Variants in COL22A1 observed in about 807,000 individuals in gnomAD.
The protein encoded by COL22A1 is collagen alpha-1(XXII) chain.
A neutral mutation model predicts 248.9 loss-of-function variants in COL22A1; 221 were observed. The observed-to-expected ratio is 0.89, with a 90% CI of 0.80 to 0.99. The LOEUF is 0.99. Ranked by LOEUF, COL22A1 falls within the 50% of genes least tolerant of loss-of-function variation. The pLI, the probability that COL22A1 is intolerant of heterozygous loss-of-function variation, is 0.00. For synonymous variants in COL22A1, 891 were observed against 793.4 expected (o/e 1.12, Z -2.07); for missense variants, 2,240 against 2,179.0 (o/e 1.03, Z -0.56).
chr8:138,815,647 C>A (rs751543042), intron 7 of COL22A1, among the ~76,000 whole-genome samples: 12 of 152,268 alleles, frequency 7.9e-5, no homozygotes, highest in South Asian at 2.1e-4. Context: ...TTTCTTAGCT[C>A]AGTTTTTTAA....
chr8:138,796,850 C>G lies in COL22A1; in HGVS notation c.1565G>C (p.Gly522Ala), dbSNP rs780947495. 7 of 1,598,856 alleles carry G rather than the reference C, an allele frequency of 4.4e-6. No homozygotes were observed. In the South Asian group the frequency reaches 7.7e-5, roughly 18 times the overall value. ...ACCCTTTTCCCCTTGGCCAAAAGGTCCTATGCCCTAGAAAAATGAAAGAAG... is the reference window on the plus strand; with the variant it reads ...ACCCTTTTCCCCTTGGCCAAAAGGTGCTATGCCCTAGAAAAATGAAAGAAG... ...PKGEKGDVGI[G>A]PFGQGEKGEK... The change falls in exon 12 of 65, where the codon GGA becomes GCA. Residue 522 changes from glycine (G) to alanine (A), a missense_variant. Coordinates refer to ENST00000303045, the MANE Select transcript of COL22A1 (RefSeq NM_152888.3).
chr8:138,658,268 C>T (rs1823473275), intron 44 of COL22A1, among the ~76,000 whole-genome samples: 1 of 152,200 alleles, frequency 6.6e-6, no homozygotes, highest in Admixed American at 6.5e-5. Context: ...CAGGCTGCTG[C>T]CTGGTTCCTG....
At chr8:138,636,158 G>A (rs1441716670) in intron 48 of COL22A1, among the ~76,000 whole-genome samples, 6 of 152,146 alleles carry the variant, frequency 3.9e-5, no homozygotes, top group Non-Finnish European at 2.9e-5. Flanking sequence ...AAGGGTGGTA[G>A]AATTGGACTG....
At chr8:138,796,464 T>C (rs1370270339) in intron 12 of COL22A1, among the ~76,000 whole-genome samples, 2 of 150,320 alleles carry the variant, frequency 1.3e-5, no homozygotes, top group African/African-American at 4.9e-5. Context: ...TATCTCTTTG[T>C]GTTTATCTTA....
intron 40 of COL22A1, 62 bp downstream of exon 40, chr8:138,679,555 G>A: frequency 7.1e-7 from 1 of 1,404,822 alleles, no homozygotes; most frequent in East Asian, 2.3e-5. Flanking sequence ...TTGTTATAAA[G>A]CTGCCTCTGC....
intron 30 of COL22A1, among the ~76,000 whole-genome samples, chr8:138,714,199 T>C (rs557870924): frequency 2.6e-5 from 4 of 152,178 alleles, no homozygotes; most frequent in Non-Finnish European, 5.9e-5. Flanking sequence ...GGGCTGGCCA[T>C]GCAGTCCCAC....
At chr8:138,869,589 C>T (rs757952913) in intron 3 of COL22A1, among the ~76,000 whole-genome samples, 2 of 152,218 alleles carry the variant, frequency 1.3e-5, no homozygotes, top group Non-Finnish European at 2.9e-5. Flanking sequence ...CTTTGAAGTA[C>T]ACACATTTAA....
chr8:138,654,746 G>T (rs948550948), intron 45 of COL22A1, among the ~76,000 whole-genome samples: 1 of 152,138 alleles, frequency 6.6e-6, no homozygotes, highest in African/African-American at 2.4e-5. Flanking sequence ...CCTTGGTCAG[G>T]CACCTGGGCA....
intron 10 of COL22A1, among the ~76,000 whole-genome samples, chr8:138,805,220 A>G (rs1227496629): frequency 1.7e-5 from 2 of 119,738 alleles, no homozygotes; most frequent in East Asian, 2.8e-4. Context: ...GTGTGTGTGC[A>G]TGTGTGTGAG....
rs7824583 is a variant in COL22A1, at chr8:138,795,995, G to A, written c.1596+824C>T. ...CTATGTTTTGAGTCCACGCGTGCCT[G>A]TACTCCAGTGAAAGTATCAACGGGC... On this transcript the variant is annotated intron_variant, in intron 12 of 64. Coordinates refer to ENST00000303045, the MANE Select transcript of COL22A1 (RefSeq NM_152888.3). 8.4e-3 allele frequency among the ~76,000 whole-genome samples: 1,275 copies of A among 152,274 alleles called. 13 individuals are homozygous for A. Among genetic ancestry groups the A allele is most frequent in the African/African-American group, 0.029 (1,226 of 41,564 alleles).
intron 3 of COL22A1, among the ~76,000 whole-genome samples, chr8:138,862,448 T>C (rs1482726874): frequency 6.6e-6 from 1 of 152,128 alleles, no homozygotes; most frequent in East Asian, 1.9e-4. Context: ...TGTCCCTTTA[T>C]AGTTTCCTCC....
At chr8:138,691,999 T>C (rs1827018435) in intron 35 of COL22A1, among the ~76,000 whole-genome samples, 2 of 148,014 alleles carry the variant, frequency 1.4e-5, no homozygotes, top group African/African-American at 2.5e-5. Context: ...TGCACGTGCA[T>C]GTGTGCATGT....
rs1824368764 is a variant in COL22A1 at position 138,883,118 on chromosome 8, A to ACAG, written c.52_54dup (p.Leu18dup). Reference sequence around the variant, plus strand: ...GCCTGGCAGCCGCCGCCCCCACTCCACAGCAGCAGCATCCAGAGGAGGCCA... The same window carrying ACAG: ...GCCTGGCAGCCGCCGCCCCCACTCCACAGCAGCAGCAGCATCCAGAGGAGGCCA... On this transcript the variant is annotated inframe_insertion, in exon 2 of 65. Coordinates refer to ENST00000303045, the MANE Select transcript of COL22A1 (RefSeq NM_152888.3). The ACAG allele has an allele frequency of 6.3e-7, 1 of 1,598,682 alleles. No homozygotes were observed. The highest frequency in any genetic ancestry group is 8.5e-7 in the Non-Finnish European group (1 of 1,173,804).
At chr8:138,879,491 A>C (rs1824009589) in intron 2 of COL22A1, among the ~76,000 whole-genome samples, 1 of 152,094 alleles carries the variant, frequency 6.6e-6, no homozygotes. Context: ...CAGGAGTTTG[A>C]GACCAGTCTG....
chr8:138,690,940 C>T (rs2130893386), intron 35 of COL22A1, 66 bp from the exon 36 acceptor site: 1 of 1,305,988 alleles, frequency 7.7e-7, no homozygotes, highest in East Asian at 2.5e-5. Flanking sequence ...CCCACTCTCT[C>T]TGCAAATCTG....
intron 3 of COL22A1, among the ~76,000 whole-genome samples, chr8:138,854,835 ATGGTGATGATGGTGATGTGGATGAGG>A (rs1324595461): frequency 1.3e-5 from 2 of 150,936 alleles, no homozygotes; most frequent in African/African-American, 4.8e-5. Context: ...GGTGACGATG[ATGGTGATGATGGTGATGTGGATGAGG>A]TGGTGCTGAT....
Position 138,660,426 on chromosome 8 carries a change from G to T in COL22A1, c.3285+10C>A. On this transcript the variant is annotated intron_variant, in intron 44 of 64. Transcript: ENST00000303045. ...AGTCAATATTCATCCAGAACCATAA[G>T]ATGACATACCGGCTTGCCAGGAGGC... 6.2e-7 allele frequency: 1 copy of T among 1,611,262 alleles called. No individual in the cohort carries two copies.
At chr8:138,623,594 A>T in intron 52 of COL22A1, 138 bp downstream of exon 52, 1 of 727,892 alleles carries the variant, frequency 1.4e-6, no homozygotes. Context: ...TTTACTGTGC[A>T]GGAGTATGTA....
In COL22A1 at chr8:138,691,273, T is replaced by C. The variant is rs148139909; in HGVS notation, c.2755-399A>G. 4.6e-5 allele frequency among the ~76,000 whole-genome samples: 7 copies of C among 152,344 alleles called. No individual in the cohort carries two copies. In the East Asian group the frequency reaches 1.4e-3, roughly 29 times the overall value. On this transcript the variant is annotated intron_variant, in intron 35 of 64. Coordinates refer to ENST00000303045, the MANE Select transcript of COL22A1 (RefSeq NM_152888.3). ...GAAAAATGAACAGTTCAGATCTCAG[T>C]TGCATATGTATGTGTATGTGTGCAC...
Sources: allele counts gnomAD v4.1 joint callset (sites outside exome capture counted in the v4.1 genomes callset), GRCh38; gene constraint gnomAD v4.1.1; transcripts MANE v1.5; gene names NCBI Gene and HGNC (gene_info 2026-07-23, HGNC 2026-07-21).